MRTFA: variants seen among roughly 807,000 people sequenced by gnomAD.
MRTFA encodes the protein myocardin-related transcription factor A.
MRTFA carries 20 observed loss-of-function variants against 83.5 expected under a neutral mutation model. That is an observed-to-expected ratio of 0.24 (90% CI 0.17 to 0.35). MRTFA has a LOEUF of 0.35. Ranked by LOEUF, MRTFA falls within the 10% of genes least tolerant of loss-of-function variation. The probability of loss-of-function intolerance (pLI) is 1.00; values close to 1 mark genes in which losing one functional copy is unlikely to be tolerated. For missense variants in MRTFA, 1,200 were observed against 1,224.7 expected (o/e 0.98, Z 0.30); for synonymous variants, 659 against 541.2 (o/e 1.22, Z -3.02).
At chr22:40,588,643 G>A (rs2056068812) in intron 2 of MRTFA, among the ~76,000 whole-genome samples, 1 of 152,178 alleles carries the variant, frequency 6.6e-6, no homozygotes, top group Non-Finnish European at 1.5e-5. Flanking sequence ...ATGTAACATA[G>A]TAACAGTGCC....
At chr22:40,597,503 TTGTATGTA>T (rs1363854593) in intron 1 of MRTFA, among the ~76,000 whole-genome samples, 2 of 152,248 alleles carry the variant, frequency 1.3e-5, no homozygotes, top group East Asian at 3.8e-4. Flanking sequence ...TGCCACAGCT[TTGTATGTA>T]GAGTAGCTAA....
At chr22:40,597,294 CA>C (rs1429704770) in intron 1 of MRTFA, among the ~76,000 whole-genome samples, 1 of 152,222 alleles carries the variant, frequency 6.6e-6, no homozygotes, top group Non-Finnish European at 1.5e-5. Context: ...TCTACATTCT[CA>C]CGAATACGTC....
In MRTFA at chr22:40,420,428, G is replaced by C. The variant is rs375703661; in HGVS notation, c.1330C>G (p.Pro444Ala). 1 of 1,613,472 alleles carries C rather than the reference G, an allele frequency of 6.2e-7. No homozygotes were observed. Among genetic ancestry groups the C allele is most frequent in the Non-Finnish European group, 8.5e-7 (1 of 1,179,998 alleles). The change falls in exon 11 of 15, where the codon CCG becomes GCG. Residue 444 changes from proline (P) to alanine (A), a missense_variant. By Grantham distance (27) the Pro-to-Ala change is conservative. Transcript: ENST00000355630. ...ACCTTCATGTCGTCCAGGTTGGCCGGCAGGGCTCCCGGCTTGCCAGTCAGT... is the reference window on the plus strand; with the variant it reads ...ACCTTCATGTCGTCCAGGTTGGCCGCCAGGGCTCCCGGCTTGCCAGTCAGT...
intron 3 of MRTFA, among the ~76,000 whole-genome samples, chr22:40,490,025 T>C (rs1292496773): frequency 6.6e-6 from 1 of 151,644 alleles, no homozygotes; most frequent in Admixed American, 6.6e-5. Flanking sequence ...GGTAGTTATC[T>C]AACATTACCA....
chr22:40,456,105 T>C (rs2053582492), intron 4 of MRTFA, among the ~76,000 whole-genome samples: 1 of 152,120 alleles, frequency 6.6e-6, no homozygotes, highest in African/African-American at 2.4e-5. Context: ...CATCCAAGTA[T>C]TTAATAAAGA....
chr22:40,627,191 G>A (rs1224784031), intron 1 of MRTFA, among the ~76,000 whole-genome samples: 1 of 152,120 alleles, frequency 6.6e-6, no homozygotes, highest in Non-Finnish European at 1.5e-5. Context: ...CTGTTGCCCA[G>A]GCTGGAGTGC....
chr22:40,481,687 G>T (rs1195358265), intron 3 of MRTFA, among the ~76,000 whole-genome samples: 2 of 152,108 alleles, frequency 1.3e-5, no homozygotes, highest in African/African-American at 4.8e-5. Flanking sequence ...ATGATCTGGA[G>T]AGTATTCCAG....
chr22:40,624,190 G>A (rs150550477), intron 1 of MRTFA, among the ~76,000 whole-genome samples: 2,858 of 152,152 alleles, frequency 0.019, 94 homozygotes, highest in African/African-American at 0.066. Context: ...TTGGGAGGCC[G>A]AGGTGGGTAG....
intron 1 of MRTFA, among the ~76,000 whole-genome samples, chr22:40,611,258 T>C (rs905852118): frequency 1.3e-5 from 2 of 151,526 alleles, no homozygotes; most frequent in Non-Finnish European, 2.9e-5. Flanking sequence ...TTTTTATTTT[T>C]AGAGGTCTTG....
chr22:40,413,059 C>A (rs556467750), intron 14 of MRTFA, among the ~76,000 whole-genome samples: 199 of 147,328 alleles, frequency 1.4e-3, no homozygotes, highest in African/African-American at 4.9e-3. Flanking sequence ...ATGGCTTGAA[C>A]CCGGGAGGCG....
At chr22:40,556,748 A>G (rs1344981821) in intron 2 of MRTFA, among the ~76,000 whole-genome samples, 1 of 152,148 alleles carries the variant, frequency 6.6e-6, no homozygotes, top group Non-Finnish European at 1.5e-5. Flanking sequence ...GTGTACTGGG[A>G]AAAAAACAAC....
intron 1 of MRTFA, among the ~76,000 whole-genome samples, chr22:40,636,136 C>G (rs1351822528): frequency 6.6e-6 from 1 of 152,224 alleles, no homozygotes; most frequent in Non-Finnish European, 1.5e-5. Context: ...CGGCCGACAC[C>G]CCGTCCCTGC....
At chr22:40,604,896 T>C (rs925099140) in intron 1 of MRTFA, among the ~76,000 whole-genome samples, 1 of 152,224 alleles carries the variant, frequency 6.6e-6, no homozygotes, top group African/African-American at 2.4e-5. Flanking sequence ...TCTGTTGTTG[T>C]CGTTGAATGA....
At chr22:40,594,296 C>T (rs553971539) in intron 2 of MRTFA, among the ~76,000 whole-genome samples, 1 of 152,296 alleles carries the variant, frequency 6.6e-6, no homozygotes, top group African/African-American at 2.4e-5. Context: ...AGCTAGCCTA[C>T]CATTACCCAC....
Position 40,410,310 on chromosome 22 carries a change from A to T in MRTFA, c.*1080T>A, listed in dbSNP as rs1454154042. Reference sequence around the variant, plus strand: ...AGGCCTGTGTTTTTGTGTTTATTTTAAAAAGTTCACACACCTTCCCCATCT... The same window carrying T: ...AGGCCTGTGTTTTTGTGTTTATTTTTAAAAGTTCACACACCTTCCCCATCT... On this transcript the variant is annotated 3_prime_UTR_variant, in exon 15 of 15. Coordinates refer to ENST00000355630, the MANE Select transcript of MRTFA (RefSeq NM_020831.6). 5 of 467,504 alleles carry T rather than the reference A, an allele frequency of 1.1e-5. No individual in the cohort carries two copies. The highest frequency in any genetic ancestry group is 1.5e-5 in the Non-Finnish European group (5 of 334,490). The allele number at this position is 467,504 out of a possible 1,614,324, so 29.0% of individuals were successfully genotyped here. A position where few individuals can be genotyped will look rare whatever the true frequency, so the allele number is the denominator to read the frequency against.
intron 4 of MRTFA, among the ~76,000 whole-genome samples, chr22:40,443,624 A>C (rs920378482): frequency 3.3e-5 from 5 of 152,210 alleles, no homozygotes; most frequent in African/African-American, 1.2e-4. Context: ...AGCACAACAG[A>C]AAACTTTTAG....
In MRTFA at chr22:40,520,149, A is replaced by G. The variant is rs577911485; in HGVS notation, c.241+31957T>C. 3.3e-5 allele frequency among the ~76,000 whole-genome samples: 5 copies of G among 152,286 alleles called. No homozygotes were observed. In the South Asian group the frequency reaches 8.3e-4, roughly 25 times the overall value. ...AATCACTGATCTGCTGTCACTCTAG[A>G]GAAACCTGAATTTTTTTCCTCACAC... On this transcript the variant is annotated intron_variant, in intron 3 of 14. Coordinates refer to ENST00000355630, the MANE Select transcript of MRTFA (RefSeq NM_020831.6).
At chr22:40,555,640 ATT>A (rs750134711) in intron 2 of MRTFA, among the ~76,000 whole-genome samples, 4 of 143,740 alleles carry the variant, frequency 2.8e-5, no homozygotes, top group African/African-American at 2.5e-5. Context: ...AGTAAGAATA[ATT>A]TTTTTTTTTT....
intron 3 of MRTFA, among the ~76,000 whole-genome samples, chr22:40,498,280 T>TATATATATA (rs1602339571): frequency 4.0e-5 from 4 of 100,338 alleles, no homozygotes; most frequent in Non-Finnish European, 8.4e-5. Flanking sequence ...TATATTTTTT[T>TATATATATA]TTTTTTTTTT....
Sources: allele counts gnomAD v4.1 joint callset (sites outside exome capture counted in the v4.1 genomes callset), GRCh38; gene constraint gnomAD v4.1.1; transcripts MANE v1.5; gene names NCBI Gene and HGNC (gene_info 2026-07-23, HGNC 2026-07-21).